Variants in SYT10 observed in about 807,000 individuals in gnomAD.
The protein encoded by SYT10 is synaptotagmin 10.
In SYT10, 31 loss-of-function variants were observed where a neutral mutation model predicts 51.1. That is an observed-to-expected ratio of 0.61 (90% CI 0.46 to 0.82). SYT10 has a LOEUF of 0.82. Among genes scored for constraint, SYT10 ranks in the 40% least tolerant of loss-of-function variants. SYT10 has a pLI of 0.00. For missense variants in SYT10, 603 were observed against 634.0 expected (o/e 0.95, Z 0.53); for synonymous variants, 233 against 225.9 (o/e 1.03, Z -0.28).
intron 3 of SYT10, among the ~76,000 whole-genome samples, chr12:33,386,419 G>A (rs769491389): frequency 6.6e-6 from 1 of 151,480 alleles, no homozygotes; most frequent in Non-Finnish European, 1.5e-5. Flanking sequence ...ATGTCTTTCT[G>A]TGTGTGTGTG....
intron 1 of SYT10, among the ~76,000 whole-genome samples, chr12:33,427,100 A>G (rs569177681): frequency 1.3e-5 from 2 of 152,220 alleles, no homozygotes; most frequent in African/African-American, 4.8e-5. Context: ...GAATTGTGCT[A>G]TGGCCTGAAT....
In SYT10 at chr12:33,384,283, T is replaced by A. The variant is rs1323458352; in HGVS notation, c.1198+888A>T. On this transcript the variant is annotated intron_variant, in intron 4 of 6. Coordinates refer to ENST00000228567, the MANE Select transcript of SYT10 (RefSeq NM_198992.4). ...TCATGTTAATTTTTTACCTCCTTTT[T>A]AAAATTCACTTGTACATCCTGGAGC... Among the ~76,000 whole-genome samples, 4 of 152,284 alleles carry A rather than the reference T, an allele frequency of 2.6e-5. No homozygotes were observed. The East Asian group carries it at 5.8e-4, about 22-fold the overall frequency.
intron 2 of SYT10, among the ~76,000 whole-genome samples, chr12:33,413,426 C>A (rs1866425283): frequency 6.6e-6 from 1 of 152,074 alleles, no homozygotes; most frequent in African/African-American, 2.4e-5. Flanking sequence ...CTAAGGGCAG[C>A]CAGAGAGAAA....
rs371483901 is a variant in SYT10 at position 33,385,157 on chromosome 12, C to T, written c.1198+14G>A. 6.3e-5 allele frequency: 101 copies of T among 1,611,830 alleles called. No homozygotes were observed. In the African/African-American group the frequency reaches 1.3e-3, roughly 21 times the overall value. On this transcript the variant is annotated intron_variant, in intron 4 of 6. Coordinates refer to ENST00000228567, the MANE Select transcript of SYT10 (RefSeq NM_198992.4). ...GAGATTGTGCCCTTGGTCCTGTGGC[C>T]ATTGTGTACATACCTGATGAGCCAG...
chr12:33,389,214 C>A (rs560068270), intron 3 of SYT10, among the ~76,000 whole-genome samples: 8 of 152,044 alleles, frequency 5.3e-5, no homozygotes, highest in African/African-American at 1.9e-4. Flanking sequence ...CTTCTATGGG[C>A]AAGGTGTTGG....
chr12:33,398,869 CACTT>C (rs1195652844), intron 3 of SYT10, among the ~76,000 whole-genome samples: 1 of 152,142 alleles, frequency 6.6e-6, no homozygotes, highest in African/African-American at 2.4e-5. Context: ...CTATAATTAA[CACTT>C]AGAGAGATTT....
chr12:33,405,390 A>G (rs1328389369), intron 3 of SYT10: 1 of 152,142 alleles, frequency 6.6e-6, no homozygotes, highest in Non-Finnish European at 1.5e-5. Context: ...CCCACTGTGC[A>G]TTTGAAATAT....
chr12:33,411,706 G>A (rs1866406485), intron 2 of SYT10, among the ~76,000 whole-genome samples: 1 of 152,016 alleles, frequency 6.6e-6, no homozygotes, highest in Non-Finnish European at 1.5e-5. Flanking sequence ...ATCTAAGTGA[G>A]TATACACATA....
At chr12:33,432,407 C>T (rs1056593875) in intron 1 of SYT10, 3 of 151,996 alleles carry the variant, frequency 2.0e-5, no homozygotes, top group Non-Finnish European at 4.4e-5. Context: ...CATATATTTA[C>T]ATTAACTTGA....
chr12:33,382,753 G>A (rs774990652), intron 4 of SYT10, among the ~76,000 whole-genome samples: 1 of 152,156 alleles, frequency 6.6e-6, no homozygotes, highest in Non-Finnish European at 1.5e-5. Context: ...TAGCAACTCT[G>A]TACCTAGACA....
chr12:33,434,428 A>C (rs560355866), intron 1 of SYT10, among the ~76,000 whole-genome samples: 1 of 152,374 alleles, frequency 6.6e-6, no homozygotes, highest in East Asian at 1.9e-4. Flanking sequence ...TTTGGAGGTT[A>C]TTAAGTAAGA....
In SYT10 at chr12:33,406,801, G is replaced by C. The variant is rs1451389679; in HGVS notation, c.1065C>G (p.His355Gln). The C allele has an allele frequency of 6.2e-7, 1 of 1,609,528 alleles. No individual in the cohort carries two copies. The highest frequency in any genetic ancestry group is 8.5e-7 in the Non-Finnish European group (1 of 1,178,440). ...SREATVWKDI[H>Q]CATTESIDLG... ...AATTACTACTTACTGTGGTAGCACA[G>C]TGAATATCTTTCCATACTGTGGCTT... Residue 355 changes from histidine (H) to glutamine (Q), a missense_variant, in exon 3 of 7, where the codon CAC (histidine) becomes CAG (glutamine). Coordinates refer to ENST00000228567, the MANE Select transcript of SYT10 (RefSeq NM_198992.4).
intron 2 of SYT10, among the ~76,000 whole-genome samples, chr12:33,413,863 G>C (rs1471944655): frequency 2.0e-5 from 3 of 152,150 alleles, no homozygotes; most frequent in Non-Finnish European, 4.4e-5. Flanking sequence ...TGGGCTAAAT[G>C]CTCCAATTAA....
rs776326614 is a variant in SYT10, at chr12:33,404,868, G to A, written c.1077+1921C>T. ...AGCAGAAATAAAAACTAATATACAA[G>A]GCATATGGGAGAGTTGCAAATAAAT... On this transcript the variant is annotated intron_variant, in intron 3 of 6. Transcript: ENST00000228567. 3.3e-5 allele frequency: 5 copies of A among 152,030 alleles called. No homozygotes were observed. In the East Asian group the frequency reaches 9.6e-4, roughly 29 times the overall value. 9.4% of individuals were successfully genotyped at this position (152,030 alleles called of 1,614,324 possible).
At chr12:33,401,963 G>T (rs1439532866) in intron 3 of SYT10, among the ~76,000 whole-genome samples, 1 of 152,210 alleles carries the variant, frequency 6.6e-6, no homozygotes, top group African/African-American at 2.4e-5. Flanking sequence ...AATACCTGCA[G>T]AATGTTTAAA....
chr12:33,381,134 C>T (rs1208224093), intron 5 of SYT10, among the ~76,000 whole-genome samples: 1 of 152,124 alleles, frequency 6.6e-6, no homozygotes, highest in Non-Finnish European at 1.5e-5. Flanking sequence ...CAGAATAGGG[C>T]CCCTGATGAA....
At chr12:33,417,926 TGGAAG>T (rs1290118322) in intron 2 of SYT10, among the ~76,000 whole-genome samples, 1 of 152,198 alleles carries the variant, frequency 6.6e-6, no homozygotes, top group Non-Finnish European at 1.5e-5. Context: ...TTTGGTGAGT[TGGAAG>T]GGTTGTCTGA....
chr12:33,385,632 A>G (rs1043012004), intron 3 of SYT10, among the ~76,000 whole-genome samples: 13 of 152,188 alleles, frequency 8.5e-5, no homozygotes, highest in African/African-American at 2.4e-4. Context: ...GCTGAAGCCA[A>G]AAACCCAGTA....
In SYT10 at chr12:33,389,175, G is replaced by A. The variant is rs1866182789; in HGVS notation, c.1078-3884C>T. ...TGGAGTTTGGAAACATGTTAGAGGA[G>A]AGTTAGGCTTGATGTAGTTGTTTGA... is the stretch of plus-strand genomic sequence containing the variant. On this transcript the variant is annotated intron_variant, in intron 3 of 6. Transcript: ENST00000228567. Among the ~76,000 whole-genome samples the A allele has an allele frequency of 2.6e-5, 4 of 152,158 alleles. No homozygotes were observed. In the South Asian group the frequency reaches 8.3e-4, roughly 32 times the overall value.
Sources: gnomAD v4.1 joint callset for allele counts (sites outside exome capture counted in the v4.1 genomes callset) on GRCh38, gnomAD v4.1.1 for gene constraint, MANE v1.5 for transcripts, NCBI Gene and HGNC (gene_info 2026-07-23, HGNC 2026-07-21) for gene names.